The following L3MBTL1 variants were observed in gnomAD, a reference collection of about 807,000 sequenced individuals.
L3MBTL1 encodes the protein L3MBTL histone methyl-lysine binding protein 1.
L3MBTL1 carries 75 observed loss-of-function variants against 105.3 expected under a neutral mutation model. That is an observed-to-expected ratio of 0.71 (90% CI 0.59 to 0.86). The LOEUF (loss-of-function observed/expected upper bound fraction) is 0.86, where lower values mean the gene tolerates loss of function less well. Among genes scored for constraint, L3MBTL1 ranks in the 40% least tolerant of loss-of-function variants. The pLI, the probability that L3MBTL1 is intolerant of heterozygous loss-of-function variation, is 0.00. For synonymous variants in L3MBTL1, 452 were observed against 436.2 expected (o/e 1.04, Z -0.45); for missense variants, 1,069 against 1,126.4 (o/e 0.95, Z 0.73).
intron 6 of L3MBTL1, 132 bp from the exon 7 acceptor site, chr20:43,515,961 C>T: frequency 1.5e-6 from 1 of 654,182 alleles, no homozygotes; most frequent in Non-Finnish European, 2.7e-6. Flanking sequence ...TGCTGGCGGC[C>T]TAGAAGAAAT....
At chr20:43,530,190 C>G (rs991192524) in intron 9 of L3MBTL1, 94 bp from the exon 10 acceptor site, 6 of 1,524,958 alleles carry the variant, frequency 3.9e-6, no homozygotes, top group Non-Finnish European at 4.5e-6. Flanking sequence ...CATTAGAGCC[C>G]CTGAGACCAC....
intron 19 of L3MBTL1, 174 bp from the exon 20 acceptor site, chr20:43,539,975 ACT>A: frequency 1.4e-6 from 1 of 698,132 alleles, no homozygotes; most frequent in Non-Finnish European, 2.5e-6. Flanking sequence ...AGGAGTGAAC[ACT>A]GTGTGAGGAG....
At chr20:43,511,094 G>A (rs756229756) in intron 1 of L3MBTL1, among the ~76,000 whole-genome samples, 2 of 151,906 alleles carry the variant, frequency 1.3e-5, no homozygotes. Context: ...CTCCCAGGCT[G>A]GAGTACAGTG....
intron 20 of L3MBTL1, 86 bp from the exon 21 acceptor site, chr20:43,540,667 T>C: frequency 7.7e-7 from 1 of 1,297,612 alleles, no homozygotes; most frequent in Non-Finnish European, 1.1e-6. Flanking sequence ...TTGGCACAGC[T>C]CAGAAGCACC....
rs1361103516 is a variant in L3MBTL1 at position 43,515,018 on chromosome 20, C to A, written c.512C>A (p.Pro171His). 3 of 1,613,906 alleles carry A rather than the reference C, an allele frequency of 1.9e-6. No homozygotes were observed. The highest frequency in any genetic ancestry group is 1.7e-6 in the Non-Finnish European group (2 of 1,179,842). Residue 171 changes from proline to histidine, a missense_variant, in exon 5 of 22, where the codon CCC becomes CAC. By Grantham distance (77) the Pro-to-His change is moderately conservative (BLOSUM62 -2). Transcript: ENST00000418998. ...CATTTGGCCCCCGCAGAGGACCACC[C>A]CCAGAATCCTCCAGAAGATCCCAAT... ...EAGPQQAEDH[P>H]QNPPEDPNQD...
At chr20:43,537,961 G>A (rs921660892) in intron 19 of L3MBTL1, among the ~76,000 whole-genome samples, 5 of 152,240 alleles carry the variant, frequency 3.3e-5, no homozygotes, top group African/African-American at 9.6e-5. Flanking sequence ...GATAATAATC[G>A]TACCCACCGT....
intron 18 of L3MBTL1, chr20:43,548,108 C>T (rs1978749364): frequency 7.7e-7 from 1 of 1,303,942 alleles, no homozygotes; most frequent in Non-Finnish European, 1.0e-6. Flanking sequence ...CGCAACCCCT[C>T]AGATGATTGA....
At chr20:43,511,636 C>A (rs1056529122) in intron 1 of L3MBTL1, among the ~76,000 whole-genome samples, 8 of 151,858 alleles carry the variant, frequency 5.3e-5, no homozygotes, top group African/African-American at 1.7e-4. Flanking sequence ...CAAAAAATAG[C>A]CAGGCTATGT....
intron 14 of L3MBTL1, 62 bp from the exon 15 acceptor site, chr20:43,534,222 C>T (rs1450853405): frequency 1.3e-6 from 2 of 1,565,824 alleles, no homozygotes; most frequent in East Asian, 2.2e-5. Context: ...TTTGGGCTCC[C>T]TCTGTGGGGC....
chr20:43,519,491 C>A (rs1426371181), intron 7 of L3MBTL1, among the ~76,000 whole-genome samples: 1 of 152,126 alleles, frequency 6.6e-6, no homozygotes, highest in Non-Finnish European at 1.5e-5. Context: ...ACAAAATTAG[C>A]CAGGCATGGC....
downstream of L3MBTL1, among the ~76,000 whole-genome samples, chr20:43,545,245 G>A (rs950068943): frequency 1.3e-5 from 2 of 150,818 alleles, no homozygotes; most frequent in Admixed American, 1.3e-4. Flanking sequence ...CATGCCTCTG[G>A]TCCCAGCTAC....
At chr20:43,535,252 T>G (rs1021290527) in intron 16 of L3MBTL1, among the ~76,000 whole-genome samples, 3 of 152,186 alleles carry the variant, frequency 2.0e-5, no homozygotes, top group African/African-American at 7.2e-5. Flanking sequence ...AGAGCCACAC[T>G]GAGCGTGCAC....
intron 7 of L3MBTL1, among the ~76,000 whole-genome samples, chr20:43,518,851 C>CAAAA (rs34529936): frequency 3.0e-5 from 1 of 33,290 alleles, no homozygotes; most frequent in Non-Finnish European, 4.5e-5. Context: ...ACTAAAAATA[C>CAAAA]AAAAAAAAAA....
At chr20:43,536,485 TC>T in intron 19 of L3MBTL1, 27 bp downstream of exon 19, 1 of 1,612,320 alleles carries the variant, frequency 6.2e-7, no homozygotes. Flanking sequence ...TGCTCCTATG[TC>T]CTCCACCACA....
chr20:43,545,647 T>A (rs1978549415), downstream of L3MBTL1, among the ~76,000 whole-genome samples: 1 of 152,186 alleles, frequency 6.6e-6, no homozygotes, highest in Non-Finnish European at 1.5e-5. Context: ...CAGACCCTGG[T>A]CTTAGACCTG....
In L3MBTL1 at chr20:43,528,975, G is replaced by A. The variant is rs192353297; in HGVS notation, c.951+230G>A. 8.0e-5 allele frequency: 48 copies of A among 602,434 alleles called. No homozygotes were observed. In the Admixed American group the frequency reaches 9.4e-4, roughly 12 times the overall value. The allele number at this position is 602,434 out of a possible 1,614,324, so 37.3% of individuals were successfully genotyped here. A position where few individuals can be genotyped will look rare whatever the true frequency, so the allele number is the denominator to read the frequency against. On this transcript the variant is annotated intron_variant, in intron 8 of 21. Transcript: ENST00000418998. ...GCTAGGCTCACTCATCACTGGGCCT[G>A]CAGACTTTTGAATTCTGGTGACTTC...
rs77935068 is a variant in L3MBTL1, at chr20:43,532,152, G to A, written c.1285-621G>A. Reference sequence around the variant, plus strand: ...CAGTCCAGCCCCAGAGTTCATACTTGCAAGTTCCCAGGTGACAGGTGGGGT... The same window carrying A: ...CAGTCCAGCCCCAGAGTTCATACTTACAAGTTCCCAGGTGACAGGTGGGGT... On this transcript the variant is annotated intron_variant, in intron 11 of 21. Transcript: ENST00000418998. 992 of 152,556 alleles carry A rather than the reference G, an allele frequency of 6.5e-3. 38 individuals carry two copies. The South Asian group carries it at 0.12, about 18-fold the overall frequency. The allele number at this position is 152,556 out of a possible 1,614,324, so 9.5% of individuals were successfully genotyped here. A position where few individuals can be genotyped will look rare whatever the true frequency, so the allele number is the denominator to read the frequency against.
rs2019207343 is a variant in L3MBTL1 at position 43,529,375 on chromosome 20, T to C, written c.1056+7T>C. On this transcript the variant is annotated splice_region_variant and intron_variant, in intron 9 of 21. Coordinates refer to ENST00000418998, the MANE Select transcript of L3MBTL1 (RefSeq NM_001377303.1). ...CATCCTCACCGTGGCTGAGGTGAGC[T>C]GGGGCTTGGTACCACCTTTCTGATG... The C allele has an allele frequency of 1.9e-6, 3 of 1,592,778 alleles. No homozygotes were observed. The highest frequency in any genetic ancestry group is 2.7e-5 in the African/African-American group (2 of 74,668).
rs2018847476 is a variant in L3MBTL1 at position 43,523,541 on chromosome 20, A to G, written c.863-5116A>G. 3 of 264,434 alleles carry G rather than the reference A, an allele frequency of 1.1e-5. No homozygotes were observed. The South Asian group carries it at 1.6e-4, about 15-fold the overall frequency. The allele number at this position is 264,434 out of a possible 1,614,324, so 16.4% of individuals were successfully genotyped here. ...GCGTAGCCAAAACCCAAACCAGTGC[A>G]AAGGCACTAGTGGACCAGTATCCTG... is the stretch of plus-strand genomic sequence containing the variant. On this transcript the variant is annotated intron_variant, in intron 7 of 21. Coordinates refer to ENST00000418998, the MANE Select transcript of L3MBTL1 (RefSeq NM_001377303.1).
Sources: allele counts gnomAD v4.1 joint callset (sites outside exome capture counted in the v4.1 genomes callset), GRCh38; gene constraint gnomAD v4.1.1; transcripts MANE v1.5; gene names NCBI Gene and HGNC (gene_info 2026-07-23, HGNC 2026-07-21).